The following CTNNA3 variants were observed in gnomAD, a reference collection of about 807,000 sequenced individuals.
CTNNA3 encodes catenin alpha-3.
In CTNNA3, 76 loss-of-function variants were observed where a neutral mutation model predicts 95.7. The ratio of observed to expected loss-of-function variants is 0.79; its 90% CI spans 0.66 to 0.96. The LOEUF is 0.96. CTNNA3 is among the 40% of genes least tolerant of loss of function. CTNNA3 has a pLI of 0.00. For missense variants in CTNNA3, 1,191 were observed against 1,089.8 expected, an observed-to-expected ratio of 1.09 and a Z score of -1.31; for synonymous variants, 431 against 374.4, an observed-to-expected ratio of 1.15 and a Z score of -1.74.
intron 6 of CTNNA3, among the ~76,000 whole-genome samples, chr10:67,187,610 A>T (rs986333948): frequency 6.6e-6 from 1 of 150,684 alleles, no homozygotes; most frequent in African/African-American, 2.4e-5. Flanking sequence ...AAATTTGAGG[A>T]ATGTCTCACT....
At chr10:66,343,517 TA>T (rs994799452) in intron 12 of CTNNA3, among the ~76,000 whole-genome samples, 104 of 145,846 alleles carry the variant, frequency 7.1e-4, no homozygotes, top group South Asian at 2.2e-3. Context: ...ATGTGGAAGT[TA>T]AAAAAAAAAA....
chr10:67,285,330 C>T (rs1304181831), intron 5 of CTNNA3, among the ~76,000 whole-genome samples: 1 of 152,172 alleles, frequency 6.6e-6, no homozygotes, highest in African/African-American at 2.4e-5. Context: ...GTAAACTTCA[C>T]ATATTTAAAA....
intron 11 of CTNNA3, among the ~76,000 whole-genome samples, chr10:66,515,099 G>C (rs7914764): frequency 0.032 from 4,848 of 151,962 alleles, 262 homozygotes; most frequent in African/African-American, 0.11. Context: ...TTCCTCTGTG[G>C]TAATAACAAA....
intron 17 of CTNNA3, among the ~76,000 whole-genome samples, chr10:65,934,356 T>C (rs1017609526): frequency 6.6e-6 from 1 of 152,118 alleles, no homozygotes; most frequent in Non-Finnish European, 1.5e-5. Flanking sequence ...ATCACACCCA[T>C]GTTCAAAAAT....
intron 11 of CTNNA3, among the ~76,000 whole-genome samples, chr10:66,422,562 G>C (rs1217685385): frequency 2.0e-5 from 3 of 151,564 alleles, no homozygotes; most frequent in Non-Finnish European, 4.4e-5. Context: ...ACAAGAGGCT[G>C]TTTTTCTATT....
At chr10:66,688,439 T>C (rs1172815522) in intron 9 of CTNNA3, among the ~76,000 whole-genome samples, 2 of 152,140 alleles carry the variant, frequency 1.3e-5, no homozygotes, top group African/African-American at 2.4e-5. Context: ...TTTCCTGGAA[T>C]GTTCTGCCAC....
intron 17 of CTNNA3, among the ~76,000 whole-genome samples, chr10:65,964,638 C>A (rs957116306): frequency 6.6e-6 from 1 of 151,964 alleles, no homozygotes; most frequent in Admixed American, 6.6e-5. Flanking sequence ...GAAAGCTTAG[C>A]GTCATACAAC....
At chr10:66,007,247 G>C (rs1373264586) in intron 15 of CTNNA3, among the ~76,000 whole-genome samples, 3 of 151,920 alleles carry the variant, frequency 2.0e-5, no homozygotes, top group Non-Finnish European at 4.4e-5. Flanking sequence ...TTTTTAAAGG[G>C]TACAATTTAA....
chr10:67,226,764 C>T (rs1359804207), intron 5 of CTNNA3, among the ~76,000 whole-genome samples: 2 of 152,144 alleles, frequency 1.3e-5, no homozygotes, highest in East Asian at 1.9e-4. Context: ...CACATCAAAA[C>T]AGAACCTCTT....
At chr10:67,555,933 T>C (rs1841226808) in intron 3 of CTNNA3, among the ~76,000 whole-genome samples, 2 of 152,214 alleles carry the variant, frequency 1.3e-5, no homozygotes, top group Non-Finnish European at 2.9e-5. Context: ...GTCCAATGAA[T>C]ACCTAATTTA....
intron 13 of CTNNA3, among the ~76,000 whole-genome samples, chr10:66,110,162 A>G (rs1354113642): frequency 6.6e-6 from 1 of 151,910 alleles, no homozygotes; most frequent in Non-Finnish European, 1.5e-5. Context: ...AGAGTTCAAG[A>G]CCAGCCTGGC....
chr10:67,267,360 T>G (rs1378280284), intron 5 of CTNNA3, among the ~76,000 whole-genome samples: 1 of 152,098 alleles, frequency 6.6e-6, no homozygotes, highest in Non-Finnish European at 1.5e-5. Flanking sequence ...AAAATTAAAT[T>G]ATAATCTTCT....
At chr10:66,052,450 T>A (rs1416825246) in intron 15 of CTNNA3, among the ~76,000 whole-genome samples, 1 of 151,902 alleles carries the variant, frequency 6.6e-6, no homozygotes, top group African/African-American at 2.4e-5. Context: ...GCATTCGAGG[T>A]CAAAGACTTA....
intron 7 of CTNNA3, among the ~76,000 whole-genome samples, chr10:66,786,726 A>G (rs530746880): frequency 6.6e-6 from 1 of 152,290 alleles, no homozygotes; most frequent in South Asian, 2.1e-4. Context: ...TAAATTCCAA[A>G]AGCTACCTTG....
chr10:66,488,415 A>G (rs1037404961), intron 11 of CTNNA3, among the ~76,000 whole-genome samples: 1 of 152,140 alleles, frequency 6.6e-6, no homozygotes, highest in Non-Finnish European at 1.5e-5. Context: ...CACTTCTAAA[A>G]TCCATTATAC....
chr10:67,441,872 C>T (rs1017578655), intron 5 of CTNNA3, among the ~76,000 whole-genome samples: 9 of 152,118 alleles, frequency 5.9e-5, no homozygotes, highest in African/African-American at 2.2e-4. Flanking sequence ...ACAAAACTCA[C>T]TGTTAATTGT....
rs1269912399 is a variant in CTNNA3, at chr10:66,927,047, T to C, written c.1048-151523A>G. 1 of 1,614,156 alleles carries C rather than the reference T, an allele frequency of 6.2e-7. No homozygotes were observed. The highest frequency in any genetic ancestry group is 1.7e-5 in the Admixed American group (1 of 60,016). On this transcript the variant is annotated intron_variant, in intron 7 of 17. Transcript: ENST00000433211. This position sits in a 1 kb window ranked among gnomAD's most constrained non-coding sequence, Gnocchi z 4.7. ...AAGGGCTGTAGGTGTGAAGGCAAAA[T>C]GGTATATTGTGAATCTCAGAAATTA... is the stretch of plus-strand genomic sequence containing the variant.
chr10:67,394,590 A>G (rs1018910976), intron 5 of CTNNA3, among the ~76,000 whole-genome samples: 21 of 152,180 alleles, frequency 1.4e-4, no homozygotes, highest in Non-Finnish European at 1.9e-4. Context: ...TGACCCAGCC[A>G]GATATTGCAT....
intron 7 of CTNNA3, among the ~76,000 whole-genome samples, chr10:66,814,197 T>C (rs1355619620): frequency 6.6e-6 from 1 of 150,674 alleles, no homozygotes; most frequent in Non-Finnish European, 1.5e-5. Context: ...AGTAATAATT[T>C]AGGGAAAGTG....
Sources: gnomAD v4.1 joint callset for allele counts (sites outside exome capture counted in the v4.1 genomes callset) on GRCh38, gnomAD v4.1.1 for gene constraint, Gnocchi (gnomAD v3.1) non-coding constraint, MANE v1.5 for transcripts, NCBI Gene and HGNC (gene_info 2026-07-23, HGNC 2026-07-21) for gene names.